Variants in MAP3K14 observed in about 807,000 individuals in gnomAD.
MAP3K14 encodes mitogen-activated protein kinase kinase kinase 14.
In MAP3K14, 16 loss-of-function variants were observed where a neutral mutation model predicts 99.2. The observed-to-expected ratio is 0.16, with a 90% CI of 0.11 to 0.24. The LOEUF is 0.24. Ranked by LOEUF, MAP3K14 falls within the 10% of genes least tolerant of loss-of-function variation. The probability of loss-of-function intolerance (pLI) is 1.00; values close to 1 mark genes in which losing one functional copy is unlikely to be tolerated. For missense variants in MAP3K14, 784 were observed against 1,208.7 expected, an observed-to-expected ratio of 0.65 and a Z score of 5.21; for synonymous variants, 462 against 492.4, an observed-to-expected ratio of 0.94 and a Z score of 0.82.
rs547006955 is a variant in MAP3K14, at chr17:45,290,987, C to T, written c.-20-222G>A. On this transcript the variant is annotated intron_variant, in intron 1 of 15. Transcript: ENST00000344686. ...GCACAGTCCCCCGGTCCTCCCAGTACCACAACATAAACAGCCTCCTTCACT... is the reference window on the plus strand; with the variant it reads ...GCACAGTCCCCCGGTCCTCCCAGTATCACAACATAAACAGCCTCCTTCACT... 1.4e-5 allele frequency: 7 copies of T among 512,928 alleles called. No individual in the cohort carries two copies. The South Asian group carries it at 1.6e-4, about 12-fold the overall frequency. 31.8% of individuals were successfully genotyped at this position (512,928 alleles called of 1,614,324 possible). A position where few individuals can be genotyped will look rare whatever the true frequency, so the allele number is the denominator to read the frequency against.
At chr17:45,266,206 T>C in intron 14 of MAP3K14, 1 of 245,922 alleles carries the variant, frequency 4.1e-6, no homozygotes, top group Non-Finnish European at 7.8e-6. Flanking sequence ...GTCCTGTTCC[T>C]TTTCCCTTTA....
chr17:45,272,930 ACT>A lies in MAP3K14; in HGVS notation c.1657+571_1657+572del, dbSNP rs1440696297. ...ACTCCAGCCTGGGTGACAGAGTGAG[ACT>A]CTGTCTCAATGAAAACAACAAAAAA... On this transcript the variant is annotated intron_variant, in intron 9 of 15. Transcript: ENST00000344686. The surrounding 1 kb of genome is among the most constrained non-coding windows in gnomAD (Gnocchi z 4.1). 3.3e-5 allele frequency among the ~76,000 whole-genome samples: 5 copies of A among 152,094 alleles called. No individual in the cohort carries two copies.
chr17:45,302,321 T>C (rs1255499272), intron 1 of MAP3K14, among the ~76,000 whole-genome samples: 1 of 152,162 alleles, frequency 6.6e-6, no homozygotes, highest in East Asian at 1.9e-4. Context: ...TGTTATTATT[T>C]TTATGAGATG....
chr17:45,305,553 G>A (rs996406899), intron 1 of MAP3K14, among the ~76,000 whole-genome samples: 11 of 152,090 alleles, frequency 7.2e-5, no homozygotes, highest in South Asian at 2.1e-4. Context: ...GTACCACCAC[G>A]CATGGCTAAT....
chr17:45,275,926 T>C (rs1374457376), intron 6 of MAP3K14, among the ~76,000 whole-genome samples: 1 of 151,870 alleles, frequency 6.6e-6, no homozygotes, highest in Non-Finnish European at 1.5e-5. Flanking sequence ...CAGGCCCAGA[T>C]AATTTTTGTA....
chr17:45,279,845 G>A (rs1272907883), intron 6 of MAP3K14, among the ~76,000 whole-genome samples: 1 of 152,182 alleles, frequency 6.6e-6, no homozygotes, highest in Non-Finnish European at 1.5e-5. Flanking sequence ...ACAGTACTGT[G>A]CACAGATGTC....
intron 11 of MAP3K14, among the ~76,000 whole-genome samples, chr17:45,269,310 C>T (rs569900787): frequency 6.6e-6 from 1 of 152,168 alleles, no homozygotes; most frequent in Non-Finnish European, 1.5e-5. Flanking sequence ...CTGCTCCCGG[C>T]CTGTCTTTAT....
At chr17:45,280,413 C>A (rs1429313748) in intron 6 of MAP3K14, among the ~76,000 whole-genome samples, 1 of 150,562 alleles carries the variant, frequency 6.6e-6, no homozygotes, top group African/African-American at 2.5e-5. Context: ...AAGCGATTCT[C>A]CTGCTTCAGC....
At position 45,300,582 on chromosome 17, in the gene MAP3K14, C is replaced by G. The variant is rs2044379353; in HGVS notation, c.-20-9817G>C. 2.0e-5 allele frequency among the ~76,000 whole-genome samples: 3 copies of G among 152,172 alleles called. No homozygotes were observed. The South Asian group carries it at 6.2e-4, about 31-fold the overall frequency. On this transcript the variant is annotated intron_variant, in intron 1 of 15. Coordinates refer to ENST00000344686, the MANE Select transcript of MAP3K14 (RefSeq NM_003954.5). ...GGCCACCCCATACATCCTGCTTGTCCTTCAAAGGCAAGGCTCAGCCTCTAC... is the reference window on the plus strand; with the variant it reads ...GGCCACCCCATACATCCTGCTTGTCGTTCAAAGGCAAGGCTCAGCCTCTAC...
chr17:45,267,026 GCT>G lies in MAP3K14; in HGVS notation c.2433+64_2433+65del. ...TCACTAGCTGGACGCAAAGCTACTT[GCT>G]CTGTGCCAGGGCCGGGAAAACCACA... On this transcript the variant is annotated intron_variant, in intron 13 of 15. Coordinates refer to ENST00000344686, the MANE Select transcript of MAP3K14 (RefSeq NM_003954.5). The surrounding 1 kb of genome is among the most constrained non-coding windows in gnomAD (Gnocchi z 5.1). 1 of 1,191,928 alleles carries G rather than the reference GCT, an allele frequency of 8.4e-7. No homozygotes were observed. 73.8% of individuals were successfully genotyped at this position (1,191,928 alleles called of 1,614,324 possible). A position where few individuals can be genotyped will look rare whatever the true frequency, so the allele number is the denominator to read the frequency against.
chr17:45,275,767 T>C (rs946029082), intron 6 of MAP3K14, among the ~76,000 whole-genome samples: 2 of 148,004 alleles, frequency 1.4e-5, no homozygotes, highest in South Asian at 2.1e-4. Flanking sequence ...TTTCTTTTTT[T>C]TTTTTTTTTT....
chr17:45,286,289 G>T lies in MAP3K14; in HGVS notation c.1152+142C>A. On this transcript the variant is annotated intron_variant, in intron 5 of 15. Transcript: ENST00000344686. This position sits in a 1 kb window ranked among gnomAD's most constrained non-coding sequence, Gnocchi z 4.1. ...GTGAGAAGTGAGATTGGCGGAATAAGAGATGATACTTTTCATCCACAATGA... is the reference window on the plus strand; with the variant it reads ...GTGAGAAGTGAGATTGGCGGAATAATAGATGATACTTTTCATCCACAATGA... 9.2e-7 allele frequency: 1 copy of T among 1,083,328 alleles called. No individual in the cohort carries two copies. The highest frequency in any genetic ancestry group is 1.3e-6 in the Non-Finnish European group (1 of 769,696). 67.1% of individuals were successfully genotyped at this position (1,083,328 alleles called of 1,614,324 possible).
chr17:45,288,055 G>A (rs1567995593), intron 3 of MAP3K14, among the ~76,000 whole-genome samples: 1 of 152,212 alleles, frequency 6.6e-6, no homozygotes, highest in Non-Finnish European at 1.5e-5. Context: ...CAGAACAGCT[G>A]TGGAGCAGAT....
rs1452161369 is a variant in MAP3K14, at chr17:45,289,271, T to C, written c.291A>G (p.Ser97=). The C allele has an allele frequency of 6.2e-7, 1 of 1,613,992 alleles. No individual in the cohort carries two copies. Among genetic ancestry groups the C allele is most frequent in the Non-Finnish European group, 8.5e-7 (1 of 1,179,878 alleles). ...TGGACCCAGCGATGAAAATGCGTTC[T>C]GAAAAGGTGGGGCTGAACTCTTGGC... ...ENSQEFSPTF[S]ERIFIAGSKQ... is the part of the protein sequence containing the mutation. Residue 97 remains serine (S), a synonymous_variant, in exon 3 of 16, where the codon TCA becomes TCG. Transcript: ENST00000344686.
At chr17:45,314,330 AC>A (rs1183787071) in intron 1 of MAP3K14, among the ~76,000 whole-genome samples, 3 of 152,284 alleles carry the variant, frequency 2.0e-5, no homozygotes, top group South Asian at 2.1e-4. Context: ...TTGAATGCCC[AC>A]CCAGCTCTTG....
intron 1 of MAP3K14, among the ~76,000 whole-genome samples, chr17:45,307,304 T>G (rs1005813152): frequency 6.6e-6 from 1 of 151,968 alleles, no homozygotes; most frequent in African/African-American, 2.4e-5. Flanking sequence ...TAAAAAAATT[T>G]CAAGTGTCAT....
intron 6 of MAP3K14, among the ~76,000 whole-genome samples, chr17:45,283,212 TCA>T (rs752096509): frequency 6.6e-6 from 1 of 152,196 alleles, no homozygotes; most frequent in Admixed American, 6.5e-5. Context: ...CTTCACACTC[TCA>T]CACTCTCCTC....
Position 45,289,225 on chromosome 17 carries a change from C to T in MAP3K14, c.326+11G>A, listed in dbSNP as rs747969851. On this transcript the variant is annotated intron_variant, in intron 3 of 15. Transcript: ENST00000344686. ...CCCACCTTCCCACTCAGGCTTGTCT[C>T]CCCTGCTTACCTGTACTGTTTGGAC... 3 of 1,613,488 alleles carry T rather than the reference C, an allele frequency of 1.9e-6. No individual in the cohort carries two copies. The highest frequency in any genetic ancestry group is 2.5e-6 in the Non-Finnish European group (3 of 1,179,474).
intron 3 of MAP3K14, among the ~76,000 whole-genome samples, chr17:45,288,271 G>A (rs1429280020): frequency 6.6e-6 from 1 of 152,176 alleles, no homozygotes; most frequent in African/African-American, 2.4e-5. Context: ...TTGGTTCCAA[G>A]GCAGCCAGCT....
Sources: allele counts gnomAD v4.1 joint callset (sites outside exome capture counted in the v4.1 genomes callset), GRCh38; gene constraint gnomAD v4.1.1; non-coding constraint Gnocchi (gnomAD v3.1); transcripts MANE v1.5; gene names NCBI Gene and HGNC (gene_info 2026-07-23, HGNC 2026-07-21).